Variants in CAMKMT observed in about 807,000 individuals in gnomAD.
CAMKMT encodes calmodulin-lysine N-methyltransferase.
In CAMKMT, 53 loss-of-function variants were observed where a neutral mutation model predicts 48.0. That is an observed-to-expected ratio of 1.10 (90% CI 0.89 to 1.39). The LOEUF is 1.39. Among genes scored for constraint, CAMKMT ranks in the 40% most tolerant of loss-of-function variants. The probability of loss-of-function intolerance (pLI) is 0.00; values close to 1 mark genes in which losing one functional copy is unlikely to be tolerated. For missense variants in CAMKMT, 428 were observed against 402.7 expected, an observed-to-expected ratio of 1.06 and a Z score of -0.54; for synonymous variants, 165 against 152.3, an observed-to-expected ratio of 1.08 and a Z score of -0.61.
intron 7 of CAMKMT, among the ~76,000 whole-genome samples, chr2:44,738,559 A>G (rs1250987762): frequency 2.0e-5 from 3 of 152,190 alleles, no homozygotes; most frequent in Admixed American, 6.5e-5. Flanking sequence ...TTCACACACA[A>G]TTCATCCATA....
chr2:44,556,127 A>G (rs1667991870), intron 3 of CAMKMT, among the ~76,000 whole-genome samples: 1 of 151,758 alleles, frequency 6.6e-6, no homozygotes, highest in South Asian at 2.1e-4. Flanking sequence ...AATTTTTTTT[A>G]TTTTTTATTT....
At chr2:44,372,064 A>G (rs1198628091) in intron 1 of CAMKMT, among the ~76,000 whole-genome samples, 1 of 152,176 alleles carries the variant, frequency 6.6e-6, no homozygotes, top group Non-Finnish European at 1.5e-5. Context: ...TTTCTCTCCT[A>G]GCTCCATAGG....
At chr2:44,443,865 T>A (rs1034490023) in intron 3 of CAMKMT, among the ~76,000 whole-genome samples, 1 of 152,216 alleles carries the variant, frequency 6.6e-6, no homozygotes, top group Non-Finnish European at 1.5e-5. Context: ...CTACTGAAGC[T>A]GCCTAGTGGG....
At chr2:44,494,626 A>G (rs778163812) in intron 3 of CAMKMT, among the ~76,000 whole-genome samples, 4 of 152,238 alleles carry the variant, frequency 2.6e-5, no homozygotes, top group Non-Finnish European at 4.4e-5. Context: ...AGTATTTTTA[A>G]AGCCCTTTTT....
At chr2:44,727,541 T>C (rs994067662) in intron 7 of CAMKMT, among the ~76,000 whole-genome samples, 3 of 152,234 alleles carry the variant, frequency 2.0e-5, no homozygotes, top group Admixed American at 6.5e-5. Context: ...TTTCTAAGTA[T>C]AGAATCATAT....
chr2:44,418,915 C>G (rs772309572), intron 3 of CAMKMT, among the ~76,000 whole-genome samples: 1 of 152,036 alleles, frequency 6.6e-6, no homozygotes, highest in Non-Finnish European at 1.5e-5. Context: ...CTTAATTTCT[C>G]TTAGTAAAGT....
intron 3 of CAMKMT, among the ~76,000 whole-genome samples, chr2:44,463,803 G>A (rs1667968797): frequency 6.6e-6 from 1 of 152,202 alleles, no homozygotes; most frequent in Non-Finnish European, 1.5e-5. Context: ...CCCATAAAAG[G>A]ATTGAGAGGC....
At chr2:44,414,512 G>T (rs964471057) in intron 3 of CAMKMT, among the ~76,000 whole-genome samples, 23 of 152,130 alleles carry the variant, frequency 1.5e-4, no homozygotes, top group Non-Finnish European at 3.2e-4. Context: ...CTTCCATGAG[G>T]TTCACAATAT....
At chr2:44,442,281 A>G (rs1666713896) in intron 3 of CAMKMT, among the ~76,000 whole-genome samples, 1 of 152,198 alleles carries the variant, frequency 6.6e-6, no homozygotes, top group Non-Finnish European at 1.5e-5. Context: ...GCCCAAGAGC[A>G]ATGGTTATCA....
intron 3 of CAMKMT, among the ~76,000 whole-genome samples, chr2:44,421,136 T>C (rs1212952323): frequency 6.6e-6 from 1 of 152,134 alleles, no homozygotes; most frequent in Admixed American, 6.5e-5. Context: ...TTCAAAACCA[T>C]GGAAAATAGA....
intron 1 of CAMKMT, among the ~76,000 whole-genome samples, chr2:44,363,122 G>A (rs764047567): frequency 2.2e-4 from 34 of 152,162 alleles, no homozygotes; most frequent in Non-Finnish European, 3.8e-4. Flanking sequence ...GTCTTTTAGT[G>A]CTTTTAGAGT....
chr2:44,404,903 A>C (rs1007798715), intron 3 of CAMKMT, among the ~76,000 whole-genome samples: 2 of 152,130 alleles, frequency 1.3e-5, no homozygotes, highest in Non-Finnish European at 2.9e-5. Flanking sequence ...AATATTAAAG[A>C]GAATATAAAT....
chr2:44,625,952 T>C (rs964269477), intron 3 of CAMKMT, among the ~76,000 whole-genome samples: 1 of 152,204 alleles, frequency 6.6e-6, no homozygotes, highest in African/African-American at 2.4e-5. Context: ...AGTCATCTAA[T>C]TTTGTTCTAC....
intron 3 of CAMKMT, among the ~76,000 whole-genome samples, chr2:44,700,552 G>A (rs1445175946): frequency 6.6e-6 from 1 of 152,136 alleles, no homozygotes; most frequent in Non-Finnish European, 1.5e-5. Context: ...TAATAGGGAG[G>A]CCTGGGGAGA....
chr2:44,508,168 G>GTC (rs1249468075), intron 3 of CAMKMT, among the ~76,000 whole-genome samples: 1 of 152,168 alleles, frequency 6.6e-6, no homozygotes, highest in African/African-American at 2.4e-5. Flanking sequence ...AGTAGCACTG[G>GTC]TATAGAGTGA....
At chr2:44,406,013 C>T (rs1309154294) in intron 3 of CAMKMT, among the ~76,000 whole-genome samples, 1 of 152,124 alleles carries the variant, frequency 6.6e-6, no homozygotes, top group Non-Finnish European at 1.5e-5. Context: ...CCATTTTCAA[C>T]AGACCATATT....
chr2:44,763,664 G>A (rs1462700025), intron 9 of CAMKMT, among the ~76,000 whole-genome samples: 1 of 152,212 alleles, frequency 6.6e-6, no homozygotes. Context: ...TGGGGCAGGG[G>A]CTGCGTTCTG....
intron 3 of CAMKMT, among the ~76,000 whole-genome samples, chr2:44,506,029 A>AT (rs935983502): frequency 2.0e-5 from 3 of 151,670 alleles, no homozygotes; most frequent in African/African-American, 7.3e-5. Flanking sequence ...TAATTTTTGT[A>AT]TTTTTTTATA....
rs933077108 is a variant in CAMKMT, at chr2:44,653,831, C to T, written c.377-50452C>T. Among the ~76,000 whole-genome samples the T allele has an allele frequency of 1.4e-4, 21 of 152,142 alleles. No homozygotes were observed. The highest frequency in any genetic ancestry group is 5.1e-4 in the African/African-American group (21 of 41,430). On this transcript the variant is annotated intron_variant, in intron 3 of 10. Transcript: ENST00000378494. This position sits in a 1 kb window ranked among gnomAD's most constrained non-coding sequence, Gnocchi z 5.2. ...ATCTCATCGAGTGCCTAGAACAAAA[C>T]TGACACATAGTAGACATCAATTAAT...
Sources: allele counts gnomAD v4.1 joint callset (sites outside exome capture counted in the v4.1 genomes callset), GRCh38; gene constraint gnomAD v4.1.1; non-coding constraint Gnocchi (gnomAD v3.1); transcripts MANE v1.5; gene names NCBI Gene and HGNC (gene_info 2026-07-23, HGNC 2026-07-21).